IMMP2L: variants seen among roughly 807,000 people sequenced by gnomAD.
IMMP2L encodes the protein inner mitochondrial membrane peptidase subunit 2, also known as mitochondrial inner membrane protease subunit 2.
In IMMP2L, 18 loss-of-function variants were observed where a neutral mutation model predicts 19.3. The ratio of observed to expected loss-of-function variants is 0.93; its 90% CI spans 0.64 to 1.38. IMMP2L has a LOEUF of 1.38. IMMP2L is among the 40% of genes most tolerant of loss of function. The pLI, the probability that IMMP2L is intolerant of heterozygous loss-of-function variation, is 0.00. For missense variants in IMMP2L, 233 were observed against 218.2 expected (o/e 1.07, Z -0.43); for synonymous variants, 76 against 73.0 (o/e 1.04, Z -0.21).
At chr7:111,235,638 A>T (rs1414617924) in intron 3 of IMMP2L, among the ~76,000 whole-genome samples, 2 of 151,632 alleles carry the variant, frequency 1.3e-5, no homozygotes, top group African/African-American at 4.8e-5. Flanking sequence ...AGATTTTCTC[A>T]TTATCACTGG....
chr7:111,101,209 A>T (rs1181577199), intron 3 of IMMP2L, among the ~76,000 whole-genome samples: 1 of 151,540 alleles, frequency 6.6e-6, no homozygotes, highest in East Asian at 1.9e-4. Context: ...GAAATATTCT[A>T]AGATAATATC....
At chr7:111,108,168 A>G (rs1403870260) in intron 3 of IMMP2L, among the ~76,000 whole-genome samples, 1 of 152,154 alleles carries the variant, frequency 6.6e-6, no homozygotes, top group East Asian at 1.9e-4. Flanking sequence ...TTGTTGATGT[A>G]TTCCATTTGA....
intron 3 of IMMP2L, among the ~76,000 whole-genome samples, chr7:111,107,176 C>T (rs200404359): frequency 3.8e-5 from 1 of 26,136 alleles, no homozygotes. Context: ...TTCCCCTTTC[C>T]CTCTCTCTCC....
intron 5 of IMMP2L, among the ~76,000 whole-genome samples, chr7:110,743,545 G>A (rs922648855): frequency 5.4e-5 from 8 of 147,318 alleles, no homozygotes; most frequent in East Asian, 2.0e-4. Flanking sequence ...CAGCGAGATC[G>A]ACACAGAAGG....
In IMMP2L at chr7:111,002,020, G is replaced by A. The variant is rs1823757222; in HGVS notation, c.240-38455C>T. 3.3e-5 allele frequency among the ~76,000 whole-genome samples: 5 copies of A among 151,446 alleles called. 1 individual carries two copies. The South Asian group carries it at 8.5e-4, about 26-fold the overall frequency. ...ACTGAGCAAACTAAAATTAAACTTC[G>A]GCACCCACTGAGACACAACACATCA... is the stretch of plus-strand genomic sequence containing the variant. On this transcript the variant is annotated intron_variant, in intron 3 of 5. Coordinates refer to ENST00000405709, the MANE Select transcript of IMMP2L (RefSeq NM_032549.4).
intron 3 of IMMP2L, among the ~76,000 whole-genome samples, chr7:111,173,002 T>C (rs1806625336): frequency 6.6e-6 from 1 of 151,518 alleles, no homozygotes; most frequent in Admixed American, 6.6e-5. Flanking sequence ...GGGACTGCTA[T>C]TGCACCACAT....
At chr7:111,295,697 T>C (rs1036508540) in intron 3 of IMMP2L, among the ~76,000 whole-genome samples, 1 of 151,870 alleles carries the variant, frequency 6.6e-6, no homozygotes, top group African/African-American at 2.4e-5. Context: ...TGTACTACCA[T>C]TTTACATACA....
intron 5 of IMMP2L, among the ~76,000 whole-genome samples, chr7:110,818,762 A>G (rs572054236): frequency 2.0e-4 from 30 of 152,118 alleles, no homozygotes; most frequent in South Asian, 1.9e-3. Context: ...CATATACACC[A>G]TGGAATACTA....
At chr7:110,673,996 C>G (rs73433296) in intron 5 of IMMP2L, among the ~76,000 whole-genome samples, 3 of 152,148 alleles carry the variant, frequency 2.0e-5, no homozygotes, top group Non-Finnish European at 4.4e-5. Context: ...TTAAGCAGAA[C>G]CCCACTCCCA....
rs1162831577 is a variant in IMMP2L at position 111,227,663 on chromosome 7, G to A, written c.239+259575C>T. ...AAAGCTACTCCCATACTCTGCATAA[G>A]CCAGAAATAAACCACTCCTAATATG... On this transcript the variant is annotated intron_variant, in intron 3 of 5. Transcript: ENST00000405709. 3.9e-5 allele frequency among the ~76,000 whole-genome samples: 6 copies of A among 152,178 alleles called. No homozygotes were observed. In the East Asian group the frequency reaches 1.2e-3, roughly 29 times the overall value.
chr7:111,362,615 C>A (rs1829369715), intron 3 of IMMP2L, among the ~76,000 whole-genome samples: 1 of 152,070 alleles, frequency 6.6e-6, no homozygotes, highest in African/African-American at 2.4e-5. Context: ...TGTGTGAAAA[C>A]TATCAGCTGT....
Position 110,833,452 on chromosome 7 carries a change from A to AT in IMMP2L, c.408+53140_408+53141insA, listed in dbSNP as rs201988869. ...GAAACTTCGTCTCAAAAAAAAAAAA[A>AT]AAAAGAGAGAGAGAGCTTTAATCAC... On this transcript the variant is annotated intron_variant, in intron 5 of 5. Coordinates refer to ENST00000405709, the MANE Select transcript of IMMP2L (RefSeq NM_032549.4). Among the ~76,000 whole-genome samples, 96 of 137,750 alleles carry AT rather than the reference A, an allele frequency of 7.0e-4. No individual in the cohort carries two copies. In the East Asian group the frequency reaches 0.018, roughly 25 times the overall value. 90.4% of individuals were successfully genotyped at this position (137,750 alleles called of 152,430 possible).
At chr7:111,239,014 T>G (rs37714) in intron 3 of IMMP2L, among the ~76,000 whole-genome samples, 66,948 of 151,730 alleles carry the variant, frequency 0.44, 15,469 homozygotes, top group Non-Finnish European at 0.52. Context: ...ATTTCACCAA[T>G]AGTGAAAACC....
chr7:111,515,053 C>T (rs542489855), intron 2 of IMMP2L, among the ~76,000 whole-genome samples: 3 of 152,130 alleles, frequency 2.0e-5, no homozygotes, highest in South Asian at 4.2e-4. Flanking sequence ...AAGTCTAGTT[C>T]GGCTAATGGT....
intron 3 of IMMP2L, among the ~76,000 whole-genome samples, chr7:111,094,992 T>C (rs1275964412): frequency 6.6e-6 from 1 of 152,076 alleles, no homozygotes; most frequent in Non-Finnish European, 1.5e-5. Context: ...AGAAGTACAG[T>C]ACCTACAGGG....
At position 110,925,203 on chromosome 7, in the gene IMMP2L, T is replaced by C. The variant is rs74731214; in HGVS notation, c.305+38297A>G. ...CTTTTATATTTCTATACGGATATAC[T>C]GTTGAGTGAACAGAAAATAAACAGT... On this transcript the variant is annotated intron_variant, in intron 4 of 5. Transcript: ENST00000405709. Among the ~76,000 whole-genome samples the C allele has an allele frequency of 2.6e-5, 4 of 152,324 alleles. No homozygotes were observed. In the East Asian group the frequency reaches 7.7e-4, roughly 29 times the overall value.
At chr7:110,820,357 C>T (rs1043116707) in intron 5 of IMMP2L, among the ~76,000 whole-genome samples, 1 of 151,946 alleles carries the variant, frequency 6.6e-6, no homozygotes, top group Admixed American at 6.6e-5. Context: ...GCATCATAAA[C>T]TTACAAAACA....
intron 3 of IMMP2L, among the ~76,000 whole-genome samples, chr7:111,307,507 A>G (rs778244771): frequency 5.3e-5 from 8 of 151,844 alleles, no homozygotes; most frequent in Non-Finnish European, 8.8e-5. Context: ...GTAAAAATAT[A>G]GAAGGTTCCA....
rs1347062010 is a variant in IMMP2L, at chr7:111,447,620, C to G, written c.239+39618G>C. Among the ~76,000 whole-genome samples the G allele has an allele frequency of 3.3e-5, 5 of 151,406 alleles. No homozygotes were observed. In the South Asian group the frequency reaches 8.4e-4, roughly 25 times the overall value. ...GCAAAATCATGCCAAAATGTAAAGA[C>G]CATCGAGACTAGGAAGAAACTGCAT... On this transcript the variant is annotated intron_variant, in intron 3 of 5. Coordinates refer to ENST00000405709, the MANE Select transcript of IMMP2L (RefSeq NM_032549.4).
Sources: gnomAD v4.1 joint callset for allele counts (sites outside exome capture counted in the v4.1 genomes callset) on GRCh38, gnomAD v4.1.1 for gene constraint, MANE v1.5 for transcripts, NCBI Gene and HGNC (gene_info 2026-07-23, HGNC 2026-07-21) for gene names.